Variants in ERMARD observed in about 807,000 individuals in gnomAD.
ERMARD encodes the protein ER membrane associated RNA degradation.
Under a neutral mutation model 83.9 loss-of-function variants are expected in ERMARD, and 71 were observed. The ratio of observed to expected loss-of-function variants is 0.85; its 90% CI spans 0.70 to 1.03. The LOEUF (loss-of-function observed/expected upper bound fraction) is 1.03, where lower values mean the gene tolerates loss of function less well. ERMARD is among the 50% of genes least tolerant of loss of function. The probability of loss-of-function intolerance (pLI) is 0.00; values close to 1 mark genes in which losing one functional copy is unlikely to be tolerated. For synonymous variants in ERMARD, 284 were observed against 298.6 expected (o/e 0.95, Z 0.50); for missense variants, 838 against 810.9 (o/e 1.03, Z -0.41).
chr6:169,773,999 C>G (rs957518329), intron 13 of ERMARD, among the ~76,000 whole-genome samples: 2 of 152,166 alleles, frequency 1.3e-5, no homozygotes, highest in Admixed American at 1.3e-4. Flanking sequence ...GTAAAATCAA[C>G]ACACGGCGGG....
chr6:169,767,756 TACACACACAC>T (rs59747825), intron 10 of ERMARD: 4 of 259,496 alleles, frequency 1.5e-5, no homozygotes, highest in African/African-American at 6.9e-5. Context: ...GCACATACAC[TACACACACAC>T]ACACACACAC....
intron 16 of ERMARD, among the ~76,000 whole-genome samples, chr6:169,777,529 AAAGTT>A (rs1793736285): frequency 1.3e-5 from 2 of 152,224 alleles, no homozygotes; most frequent in African/African-American, 4.8e-5. Flanking sequence ...GATAGAAACA[AAAGTT>A]AAGTTCCCAC....
At chr6:169,760,452 C>T (rs1389455021) in intron 7 of ERMARD, among the ~76,000 whole-genome samples, 190 bp from the exon 8 acceptor site, 1 of 152,176 alleles carries the variant, frequency 6.6e-6, no homozygotes, top group Non-Finnish European at 1.5e-5. Flanking sequence ...CCATGCCCCA[C>T]TTTCCAAGGG....
rs534588719 is a variant in ERMARD, at chr6:169,776,376, G to A, written c.1521-79G>A. ...CGCTAGCCCTGGCTCCCAGAAAGCC[G>A]CAGCCTTGCAGGTGCAGAAGGAGAG... is the stretch of plus-strand genomic sequence containing the variant. On this transcript the variant is annotated intron_variant, in intron 15 of 17. Coordinates refer to ENST00000366773, the MANE Select transcript of ERMARD (RefSeq NM_018341.3). 74 of 1,562,784 alleles carry A rather than the reference G, an allele frequency of 4.7e-5. No homozygotes were observed. The East Asian group carries it at 1.4e-3, about 29-fold the overall frequency.
chr6:169,775,896 G>A, intron 14 of ERMARD, 44 bp from the exon 15 acceptor site: 1 of 1,607,202 alleles, frequency 6.2e-7, no homozygotes, highest in East Asian at 2.2e-5. Flanking sequence ...ACTGATGTGA[G>A]CACTTTAATT....
chr6:169,758,420 G>T (rs1356066638), intron 5 of ERMARD, among the ~76,000 whole-genome samples: 1 of 152,190 alleles, frequency 6.6e-6, no homozygotes, highest in African/African-American at 2.4e-5. Flanking sequence ...ATAGATGGTG[G>T]GGTGGATAAG....
At chr6:169,771,565 G>C (rs1275253028) in intron 12 of ERMARD, 1 of 152,146 alleles carries the variant, frequency 6.6e-6, no homozygotes, top group East Asian at 1.9e-4. Flanking sequence ...TTGAGTTAGG[G>C]ATAATTGACA....
chr6:169,778,693 A>G (rs1399156208), intron 16 of ERMARD, among the ~76,000 whole-genome samples: 5 of 152,240 alleles, frequency 3.3e-5, no homozygotes, highest in African/African-American at 1.2e-4. Flanking sequence ...CAAAACCACA[A>G]TATTTTTACA....
intron 13 of ERMARD, among the ~76,000 whole-genome samples, chr6:169,774,328 G>A (rs1793329448): frequency 6.6e-6 from 1 of 152,186 alleles, no homozygotes; most frequent in Admixed American, 6.5e-5. Context: ...CAGAGCATCG[G>A]GCTGTGCTGG....
chr6:169,759,722 A>T (rs1791283210), intron 6 of ERMARD, 116 bp from the exon 7 acceptor site: 1 of 1,004,430 alleles, frequency 1.0e-6, no homozygotes, highest in Non-Finnish European at 1.5e-6. Context: ...GTGATCGGAC[A>T]GTTTCATGCA....
intron 9 of ERMARD, among the ~76,000 whole-genome samples, chr6:169,764,053 C>T (rs1223807870): frequency 2.0e-5 from 3 of 152,258 alleles, no homozygotes; most frequent in Admixed American, 2.0e-4. Context: ...CAGACTCCAG[C>T]AGCGTCTCGT....
At chr6:169,756,241 T>G in intron 3 of ERMARD, 97 bp from the exon 4 acceptor site, 20 of 609,500 alleles carry the variant, frequency 3.3e-5, no homozygotes, top group Non-Finnish European at 2.7e-6. Flanking sequence ...AATATGGCAG[T>G]TGAAATCTCT....
chr6:169,754,736 G>A (rs981293086), intron 2 of ERMARD, among the ~76,000 whole-genome samples: 1 of 152,170 alleles, frequency 6.6e-6, no homozygotes, highest in African/African-American at 2.4e-5. Context: ...GGAGGGGCAT[G>A]TATTTGTAAT....
chr6:169,751,696 A>T, intron 1 of ERMARD, 33 bp downstream of exon 1: 2 of 1,540,198 alleles, frequency 1.3e-6, no homozygotes, highest in Non-Finnish European at 1.8e-6. Flanking sequence ...TTCGATCCCG[A>T]GCTAGGCAGG....
intron 11 of ERMARD, 49 bp downstream of exon 11, chr6:169,768,220 C>A: frequency 1.3e-6 from 2 of 1,492,318 alleles, no homozygotes; most frequent in Non-Finnish European, 1.9e-6. Flanking sequence ...TTATGGATGT[C>A]GTCAGCACTT....
At chr6:169,763,569 T>C (rs1271156058) in intron 9 of ERMARD, among the ~76,000 whole-genome samples, 5 of 152,228 alleles carry the variant, frequency 3.3e-5, no homozygotes, top group Non-Finnish European at 5.9e-5. Flanking sequence ...CGATCTGTTG[T>C]GGAGGGAGGG....
chr6:169,781,227 T>C (rs1449191153), intron 17 of ERMARD, 103 bp from the exon 18 acceptor site: 14 of 998,608 alleles, frequency 1.4e-5, no homozygotes, highest in Non-Finnish European at 1.6e-5. Context: ...ATAAATTAAC[T>C]GCAGTTTACT....
intron 5 of ERMARD, among the ~76,000 whole-genome samples, chr6:169,758,230 T>G (rs1043495904): frequency 6.6e-6 from 1 of 152,234 alleles, no homozygotes; most frequent in Non-Finnish European, 1.5e-5. Context: ...TCTCGAGTCT[T>G]CTGGAGGCTC....
rs1790834316 is a variant in ERMARD at position 169,756,510 on chromosome 6, G to A, written c.417+71G>A. 3 of 1,190,350 alleles carry A rather than the reference G, an allele frequency of 2.5e-6. No homozygotes were observed. In the Admixed American group the frequency reaches 6.7e-5, roughly 27 times the overall value. 73.7% of individuals were successfully genotyped at this position (1,190,350 alleles called of 1,614,324 possible). Reference sequence around the variant, plus strand: ...ATGAACATGAAACTATTTTACAGTTGTCCTCAGTTTTCTTGATTATTTTCC... The same window carrying A: ...ATGAACATGAAACTATTTTACAGTTATCCTCAGTTTTCTTGATTATTTTCC... On this transcript the variant is annotated intron_variant, in intron 4 of 17. Transcript: ENST00000366773.
Sources: gnomAD v4.1 joint callset for allele counts (sites outside exome capture counted in the v4.1 genomes callset) on GRCh38, gnomAD v4.1.1 for gene constraint, MANE v1.5 for transcripts, NCBI Gene and HGNC (gene_info 2026-07-23, HGNC 2026-07-21) for gene names.